AKAP19: variants seen among roughly 807,000 people sequenced by gnomAD.
AKAP19 encodes the protein small A-kinase anchoring protein.
chr2:189,992,064 T>C, the AKAP19 span, among the ~76,000 whole-genome samples: 1 of 151,744 alleles, frequency 6.6e-6, no homozygotes, highest in Non-Finnish European at 1.5e-5. Context: ...TTTTTTTTTT[T>C]TTTGAGATGG....
At chr2:190,134,403 T>C in the AKAP19 span, among the ~76,000 whole-genome samples, 2 of 152,112 alleles carry the variant, frequency 1.3e-5, no homozygotes, top group Non-Finnish European at 2.9e-5. Context: ...TTGGTTTCAG[T>C]TTATCAATTA....
At chr2:190,056,252 C>T in the AKAP19 span, 1 of 152,204 alleles carries the variant, frequency 6.6e-6, no homozygotes, top group African/African-American at 2.4e-5. Flanking sequence ...AAAAATATAC[C>T]AAAGTAAATA....
the AKAP19 span, among the ~76,000 whole-genome samples, chr2:189,984,058 G>A: frequency 2.6e-4 from 40 of 152,296 alleles, no homozygotes; most frequent in African/African-American, 8.4e-4. Flanking sequence ...GAGGCAGGAC[G>A]AGATCACAGG....
the AKAP19 span, among the ~76,000 whole-genome samples, chr2:190,126,767 T>TA: frequency 2.0e-3 from 289 of 145,308 alleles, 1 homozygote; most frequent in African/African-American, 6.4e-3. Flanking sequence ...CAGGAAAAAG[T>TA]AAAAAAAAAA....
At chr2:189,931,004 TC>T in the AKAP19 span, 1 of 783,476 alleles carries the variant, frequency 1.3e-6, no homozygotes, top group Non-Finnish European at 2.1e-6. Context: ...TTGAGGCAGT[TC>T]CCCATCTTCT....
the AKAP19 span, among the ~76,000 whole-genome samples, chr2:190,181,868 C>A: frequency 6.6e-6 from 1 of 152,144 alleles, no homozygotes; most frequent in African/African-American, 2.4e-5. Context: ...ATTCCTTTTT[C>A]CCTTTGGATG....
At chr2:189,900,959 A>G in the AKAP19 span, among the ~76,000 whole-genome samples, 8 of 152,240 alleles carry the variant, frequency 5.3e-5, no homozygotes, top group East Asian at 5.8e-4. Flanking sequence ...GCATTTTTCT[A>G]TCAGCCAATG....
the AKAP19 span, among the ~76,000 whole-genome samples, chr2:190,019,022 C>T: frequency 6.6e-6 from 1 of 152,168 alleles, no homozygotes; most frequent in Middle Eastern, 3.2e-3. Context: ...CCAGGTGGTA[C>T]CGCTGTTTGC....
chr2:189,935,726 C>A, the AKAP19 span, among the ~76,000 whole-genome samples: 1 of 152,042 alleles, frequency 6.6e-6, no homozygotes, highest in Admixed American at 6.6e-5. Flanking sequence ...AAGAGAAAAT[C>A]TTCACATTTC....
the AKAP19 span, among the ~76,000 whole-genome samples, chr2:190,153,684 G>C: frequency 1.6e-4 from 25 of 151,928 alleles, no homozygotes; most frequent in African/African-American, 6.0e-4. Context: ...TATTAATATG[G>C]TAAATTACAT....
At chr2:190,133,846 T>C in the AKAP19 span, among the ~76,000 whole-genome samples, 1 of 151,980 alleles carries the variant, frequency 6.6e-6, no homozygotes, top group Non-Finnish European at 1.5e-5. Context: ...TTGTAGAAAG[T>C]GGGTATTGAG....
the AKAP19 span, chr2:190,200,175 G>A: frequency 1.3e-5 from 21 of 1,589,632 alleles, no homozygotes; most frequent in Admixed American, 6.7e-5. Flanking sequence ...CACTTTGACT[G>A]TGGAGGTGCT....
At chr2:190,066,723 C>T in the AKAP19 span, among the ~76,000 whole-genome samples, 1 of 152,080 alleles carries the variant, frequency 6.6e-6, no homozygotes, top group Non-Finnish European at 1.5e-5. Flanking sequence ...GAATAGAAGG[C>T]AGGAGACCCA....
the AKAP19 span, among the ~76,000 whole-genome samples, chr2:190,110,802 C>G: frequency 6.6e-6 from 1 of 152,130 alleles, no homozygotes; most frequent in African/African-American, 2.4e-5. Context: ...TTAATGTATG[C>G]TGGCACTTTC....
the AKAP19 span, among the ~76,000 whole-genome samples, chr2:190,155,423 A>T: frequency 6.6e-6 from 1 of 152,212 alleles, no homozygotes; most frequent in Non-Finnish European, 1.5e-5. Context: ...AAAAGAAAAT[A>T]GGAAGCAGAG....
chr2:190,064,406 C>G, the AKAP19 span, among the ~76,000 whole-genome samples: 1 of 149,196 alleles, frequency 6.7e-6, no homozygotes, highest in Non-Finnish European at 1.5e-5. Flanking sequence ...CCAAGTAAGT[C>G]AAACTTTTTT....
the AKAP19 span, among the ~76,000 whole-genome samples, chr2:189,938,336 CAAAA>C: frequency 4.3e-5 from 3 of 68,988 alleles, no homozygotes; most frequent in African/African-American, 5.3e-5. Context: ...ACTCCATCTC[CAAAA>C]AAAAAAAAAA....
the AKAP19 span, among the ~76,000 whole-genome samples, chr2:189,937,048 T>C: frequency 6.6e-6 from 1 of 152,122 alleles, no homozygotes; most frequent in Admixed American, 6.5e-5. Flanking sequence ...GGCAGGGGTA[T>C]GGTGTGAGCC....
the AKAP19 span, among the ~76,000 whole-genome samples, chr2:190,067,921 G>A: frequency 1.3e-5 from 2 of 152,030 alleles, no homozygotes; most frequent in African/African-American, 2.4e-5. Flanking sequence ...GATACTAGGG[G>A]CCAGGCACGG....
Sources: allele counts gnomAD v4.1 joint callset (sites outside exome capture counted in the v4.1 genomes callset), GRCh38; gene constraint gnomAD v4.1.1; transcripts MANE v1.5; gene names NCBI Gene and HGNC (gene_info 2026-07-23, HGNC 2026-07-21).